Variants in CIT observed in about 807,000 individuals in gnomAD.
The protein encoded by CIT is citron Rho-interacting kinase.
A neutral mutation model predicts 272.7 loss-of-function variants in CIT; 79 were observed. That is an observed-to-expected ratio of 0.29 (90% CI 0.24 to 0.35). The LOEUF (loss-of-function observed/expected upper bound fraction) is 0.35. Ranked by LOEUF, CIT falls within the 10% of genes least tolerant of loss-of-function variation. The pLI, the probability that CIT is intolerant of heterozygous loss-of-function variation, is 1.00. For synonymous variants in CIT, 948 were observed against 995.6 expected, an observed-to-expected ratio of 0.95 and a Z score of 0.90; for missense variants, 1,909 against 2,618.3, an observed-to-expected ratio of 0.73 and a Z score of 5.91.
intron 10 of CIT, among the ~76,000 whole-genome samples, chr12:119,787,491 G>T (rs867241494): frequency 6.6e-6 from 1 of 151,340 alleles, no homozygotes; most frequent in South Asian, 2.1e-4. Flanking sequence ...CAGCACTTTG[G>T]GGGGCCGAGG....
At chr12:119,846,813 G>A (rs1220106928) in intron 5 of CIT, among the ~76,000 whole-genome samples, 1 of 151,624 alleles carries the variant, frequency 6.6e-6, no homozygotes, top group Non-Finnish European at 1.5e-5. Flanking sequence ...GGTGAAGCAG[G>A]AGAATCACTT....
chr12:119,697,931 A>AC lies in CIT; in HGVS notation c.5702+44dup. ...GAACATGCGGCCGGCCCCAACACCTACCCCAATAGCTGAAGTTTTCCACGC... is the reference window on the plus strand; with the variant it reads ...GAACATGCGGCCGGCCCCAACACCTACCCCCAATAGCTGAAGTTTTCCACGC... On this transcript the variant is annotated intron_variant, in intron 45 of 47. Coordinates refer to ENST00000392521, the MANE Select transcript of CIT (RefSeq NM_001206999.2). This position sits in a 1 kb window ranked among gnomAD's most constrained non-coding sequence, Gnocchi z 4.9. 6.2e-7 allele frequency: 1 copy of AC among 1,613,016 alleles called. No homozygotes were observed. Among genetic ancestry groups the AC allele is most frequent in the Non-Finnish European group, 8.5e-7 (1 of 1,179,106 alleles).
chr12:119,714,637 A>G (rs112014286), intron 32 of CIT, among the ~76,000 whole-genome samples: 1 of 152,282 alleles, frequency 6.6e-6, no homozygotes, highest in Non-Finnish European at 1.5e-5. Context: ...AGCAGACACC[A>G]CTTCACAACC....
rs151171166 is a variant in CIT at position 119,719,588 on chromosome 12, G to A, written c.3841-727C>T. On this transcript the variant is annotated intron_variant, in intron 30 of 47. Transcript: ENST00000392521. ...CCGTGCAGCCAACGTCTAGTGGGAG[G>A]CGGCCTCTGAATGTTGTGCTCATGC... 1.1e-4 allele frequency among the ~76,000 whole-genome samples: 16 copies of A among 152,274 alleles called. 1 individual carries two copies. Among genetic ancestry groups the A allele is most frequent in the African/African-American group, 3.4e-4 (14 of 41,546 alleles).
chr12:119,696,081 A>C lies in CIT; in HGVS notation c.5882+1578T>G, dbSNP rs183182868. The stretch of plus-strand genomic sequence containing the variant: ...ATAAAGGATCCCTAAACGGAAACAC[A>C]AAAACTTCAAAAAATTGGTTCCTTC... On this transcript the variant is annotated intron_variant, in intron 46 of 47. Transcript: ENST00000392521. Among the ~76,000 whole-genome samples the C allele has an allele frequency of 2.6e-5, 4 of 152,312 alleles. No individual in the cohort carries two copies. The East Asian group carries it at 7.7e-4, about 29-fold the overall frequency.
chr12:119,863,365 A>G (rs987523859), intron 3 of CIT, among the ~76,000 whole-genome samples: 4 of 152,064 alleles, frequency 2.6e-5, no homozygotes, highest in African/African-American at 9.7e-5. Flanking sequence ...CTACTAGAGG[A>G]CAGAGGGTGG....
Position 119,804,627 on chromosome 12 carries a change from C to A in CIT, c.1112-1238G>T. On this transcript the variant is annotated intron_variant, in intron 9 of 47. Transcript: ENST00000392521. The surrounding 1 kb of genome is among the most constrained non-coding windows in gnomAD (Gnocchi z 5.3). ...AAAGCTGGGTGCCAGATATGAGCAGCAAGCAGTCTGTTTTCTGCTTACAGA... is the reference window on the plus strand; with the variant it reads ...AAAGCTGGGTGCCAGATATGAGCAGAAAGCAGTCTGTTTTCTGCTTACAGA... 2.8e-6 allele frequency: 1 copy of A among 354,488 alleles called. No homozygotes were observed. Among genetic ancestry groups the A allele is most frequent in the Non-Finnish European group, 4.0e-6 (1 of 253,092 alleles). 22.0% of individuals were successfully genotyped at this position (354,488 alleles called of 1,614,324 possible).
At chr12:119,756,684 T>C (rs1029345200) in intron 22 of CIT, among the ~76,000 whole-genome samples, 11 of 152,160 alleles carry the variant, frequency 7.2e-5, no homozygotes, top group African/African-American at 2.7e-4. Flanking sequence ...GATTTTCCTT[T>C]TGGTTCAGCT....
chr12:119,741,723 G>A (rs1216243109), intron 24 of CIT, among the ~76,000 whole-genome samples: 1 of 151,772 alleles, frequency 6.6e-6, no homozygotes, highest in Non-Finnish European at 1.5e-5. Flanking sequence ...GAAAAGAGAG[G>A]GCACATGAAT....
chr12:119,713,298 G>C lies in CIT; in HGVS notation c.4488-4C>G. 1 of 1,613,470 alleles carries C rather than the reference G, an allele frequency of 6.2e-7. No homozygotes were observed. The highest frequency in any genetic ancestry group is 1.7e-5 in the Admixed American group (1 of 59,988). ...TTGCTGTCCTCGTTTGTTATTCCTG[G>C]GGAAAGAAAGATGGAAAAGAAAAAT... is the stretch of plus-strand genomic sequence containing the variant. On this transcript the variant is annotated splice_polypyrimidine_tract_variant and splice_region_variant and intron_variant, in intron 34 of 47. Transcript: ENST00000392521. This position sits in a 1 kb window ranked among gnomAD's most constrained non-coding sequence, Gnocchi z 5.2.
intron 41 of CIT, 83 bp from the exon 42 acceptor site, chr12:119,702,041 G>A: frequency 2.0e-6 from 2 of 978,352 alleles, no homozygotes; most frequent in Non-Finnish European, 3.3e-6. Flanking sequence ...TCTGCCTACA[G>A]CATCTAGCCA....
intron 13 of CIT, among the ~76,000 whole-genome samples, chr12:119,779,575 A>G: frequency 6.6e-6 from 1 of 152,226 alleles, no homozygotes; most frequent in South Asian, 2.1e-4. Flanking sequence ...GGCTACAGGC[A>G]TGGACACCAA....
Position 119,686,958 on chromosome 12 carries a change from G to T in CIT, c.*1274C>A, listed in dbSNP as rs1955615267. 1 of 152,686 alleles carries T rather than the reference G, an allele frequency of 6.5e-6. No individual in the cohort carries two copies. The highest frequency in any genetic ancestry group is 1.5e-5 in the Non-Finnish European group (1 of 68,090). The allele number at this position is 152,686 out of a possible 1,614,324, so 9.5% of individuals were successfully genotyped here. ...CTCATTTGGAAAGTCACAGTTTCGT[G>T]GGGTAGAACCGCGCTGGATTGGGTG... is the stretch of plus-strand genomic sequence containing the variant. On this transcript the variant is annotated 3_prime_UTR_variant, in exon 48 of 48. Transcript: ENST00000392521.
At chr12:119,838,397 G>T (rs539316836) in intron 5 of CIT, among the ~76,000 whole-genome samples, 56 of 152,148 alleles carry the variant, frequency 3.7e-4, no homozygotes, top group Non-Finnish European at 3.8e-4. Flanking sequence ...ATAATAAGAA[G>T]AAGTATAGTA....
intron 12 of CIT, 68 bp from the exon 13 acceptor site, chr12:119,782,705 G>C: frequency 6.3e-7 from 1 of 1,588,576 alleles, no homozygotes. Flanking sequence ...GACTCATTAA[G>C]AGAGCTGCAA....
rs192917109 is a variant in CIT at position 119,840,646 on chromosome 12, C to T, written c.517-6418G>A. On this transcript the variant is annotated intron_variant, in intron 5 of 47. Transcript: ENST00000392521. ...GGCCAGTGACTCTGGAGAGACCAAACAAGGAATGGTAATAAAACAAGAACC... is the reference window on the plus strand; with the variant it reads ...GGCCAGTGACTCTGGAGAGACCAAATAAGGAATGGTAATAAAACAAGAACC... Among the ~76,000 whole-genome samples the T allele has an allele frequency of 9.9e-4, 151 of 152,282 alleles. 1 individual carries two copies. The highest frequency in any genetic ancestry group is 1.3e-4 in the Non-Finnish European group (9 of 68,006).
Position 119,687,940 on chromosome 12 carries a change from C to G in CIT, c.*292G>C. 2.4e-6 allele frequency: 1 copy of G among 421,988 alleles called. No individual in the cohort carries two copies. Among genetic ancestry groups the G allele is most frequent in the Non-Finnish European group, 4.2e-6 (1 of 238,086 alleles). 26.1% of individuals were successfully genotyped at this position (421,988 alleles called of 1,614,324 possible). A position where few individuals can be genotyped will look rare whatever the true frequency, so the allele number is the denominator to read the frequency against. On this transcript the variant is annotated 3_prime_UTR_variant, in exon 48 of 48. Transcript: ENST00000392521. ...GTTTCCTTTGATGAACTAACTGGTA[C>G]AGGCTAGAGCTAGGTACAAAAGTTT...
chr12:119,688,827 AAC>A (rs1343750496), intron 47 of CIT, among the ~76,000 whole-genome samples: 3 of 152,242 alleles, frequency 2.0e-5, no homozygotes, highest in Non-Finnish European at 4.4e-5. Flanking sequence ...AACCACTGTG[AAC>A]ACTTTCTGTG....
intron 10 of CIT, among the ~76,000 whole-genome samples, chr12:119,802,328 C>T (rs1379245598): frequency 6.6e-6 from 1 of 152,140 alleles, no homozygotes; most frequent in African/African-American, 2.4e-5. Context: ...AAGATACTGA[C>T]CTCCCACATC....
Sources: gnomAD v4.1 joint callset for allele counts (sites outside exome capture counted in the v4.1 genomes callset) on GRCh38, gnomAD v4.1.1 for gene constraint, Gnocchi (gnomAD v3.1) non-coding constraint, MANE v1.5 for transcripts, NCBI Gene and HGNC (gene_info 2026-07-23, HGNC 2026-07-21) for gene names.